ZYG11B: variants seen among roughly 807,000 people sequenced by gnomAD.
ZYG11B encodes zyg-11 family member B, cell cycle regulator.
In ZYG11B, 36 loss-of-function variants were observed where a neutral mutation model predicts 82.4. The observed-to-expected ratio is 0.44, with a 90% CI of 0.33 to 0.58. The LOEUF is 0.58. ZYG11B is among the 20% of genes least tolerant of loss of function. The pLI is 0.02. For missense variants in ZYG11B, 552 were observed against 895.6 expected (o/e 0.62, Z 4.90); for synonymous variants, 303 against 312.8 (o/e 0.97, Z 0.33).
At chr1:52,807,454 A>G (rs1172339583) in intron 10 of ZYG11B, among the ~76,000 whole-genome samples, 1 of 150,692 alleles carries the variant, frequency 6.6e-6, no homozygotes, top group Non-Finnish European at 1.5e-5. Flanking sequence ...TAATCCCTAA[A>G]TTAATAATAA....
intron 4 of ZYG11B, 99 bp from the exon 5 acceptor site, chr1:52,784,778 A>C: frequency 1.5e-6 from 2 of 1,314,388 alleles, no homozygotes; most frequent in Non-Finnish European, 2.1e-6. Flanking sequence ...GAAAATTATG[A>C]CATCTTTGAA....
At chr1:52,794,742 T>A (rs566364563) in intron 6 of ZYG11B, among the ~76,000 whole-genome samples, 2 of 152,364 alleles carry the variant, frequency 1.3e-5, no homozygotes, top group East Asian at 3.9e-4. Context: ...TAATCAGATG[T>A]ATTCCTTGAC....
intron 12 of ZYG11B, among the ~76,000 whole-genome samples, chr1:52,815,754 G>A (rs1257983571): frequency 6.6e-6 from 1 of 152,078 alleles, no homozygotes; most frequent in African/African-American, 2.4e-5. Flanking sequence ...CTAACGTGGT[G>A]AAACCCCGTC....
chr1:52,780,201 T>C (rs904484445), intron 4 of ZYG11B, among the ~76,000 whole-genome samples: 8 of 152,188 alleles, frequency 5.3e-5, no homozygotes, highest in African/African-American at 1.9e-4. Flanking sequence ...CATTAAGCAA[T>C]ATAAATGTCT....
intron 1 of ZYG11B, among the ~76,000 whole-genome samples, chr1:52,755,402 C>CT (rs1232909452): frequency 6.6e-6 from 1 of 152,104 alleles, no homozygotes; most frequent in Non-Finnish European, 1.5e-5. Flanking sequence ...GTTTTGATTA[C>CT]TTTAGTAATC....
At chr1:52,797,439 T>TATATTATATATATTATATATAAC (rs1645033706) in intron 8 of ZYG11B, among the ~76,000 whole-genome samples, 1 of 122,858 alleles carries the variant, frequency 8.1e-6, no homozygotes, top group African/African-American at 3.7e-5. Flanking sequence ...ATATATAACA[T>TATATTATATATATTATATATAAC]ATATATTATA....
At chr1:52,726,704 C>A in intron 1 of ZYG11B, 21 bp downstream of exon 1, 1 of 1,470,106 alleles carries the variant, frequency 6.8e-7, no homozygotes, top group Non-Finnish European at 9.0e-7. Context: ...AAGGCCTGCC[C>A]TAGCCGCAGC....
chr1:52,789,867 G>A (rs1218658286), intron 5 of ZYG11B, 136 bp from the exon 6 acceptor site: 2 of 528,366 alleles, frequency 3.8e-6, no homozygotes, highest in Admixed American at 3.7e-5. Flanking sequence ...AATACTAGGG[G>A]GGCAGATAAA....
At chr1:52,817,777 G>GTGTA (rs1352242565) in intron 13 of ZYG11B, among the ~76,000 whole-genome samples, 885 of 41,372 alleles carry the variant, frequency 0.021, 45 homozygotes, top group Middle Eastern at 0.087. Flanking sequence ...ATATATATGT[G>GTGTA]TATATATATA....
intron 10 of ZYG11B, among the ~76,000 whole-genome samples, chr1:52,802,603 G>A (rs1343532738): frequency 6.6e-5 from 10 of 151,116 alleles, no homozygotes; most frequent in African/African-American, 2.4e-5. Context: ...CTCCTACCTC[G>A]GCCTCCCAAA....
chr1:52,781,332 CTACAAAAAT>C (rs1035362971), intron 4 of ZYG11B, among the ~76,000 whole-genome samples: 5 of 152,086 alleles, frequency 3.3e-5, no homozygotes, highest in African/African-American at 1.2e-4. Context: ...AACCCCATCT[CTACAAAAAT>C]TACAAAAATT....
intron 1 of ZYG11B, among the ~76,000 whole-genome samples, chr1:52,741,588 T>A (rs1222847897): frequency 6.6e-6 from 1 of 152,212 alleles, no homozygotes; most frequent in Non-Finnish European, 1.5e-5. Flanking sequence ...GACTTTTCAT[T>A]TATTCATGCA....
chr1:52,805,453 A>G (rs1234996788), intron 10 of ZYG11B: 1 of 455,810 alleles, frequency 2.2e-6, no homozygotes, highest in Non-Finnish European at 4.4e-6. Flanking sequence ...AAATTACAGC[A>G]TTTGATTGTT....
intron 5 of ZYG11B, among the ~76,000 whole-genome samples, chr1:52,789,279 A>G (rs1644936572): frequency 6.6e-6 from 1 of 152,134 alleles, no homozygotes; most frequent in Non-Finnish European, 1.5e-5. Flanking sequence ...CTATGATTGA[A>G]TTCCCTATAT....
chr1:52,817,956 A>G (rs549100340), intron 13 of ZYG11B, among the ~76,000 whole-genome samples: 19 of 143,816 alleles, frequency 1.3e-4, no homozygotes, highest in Non-Finnish European at 2.1e-4. Flanking sequence ...TCTTGCCTCA[A>G]CCTCCAGAGT....
chr1:52,763,097 T>A (rs924105222), intron 2 of ZYG11B, among the ~76,000 whole-genome samples: 5 of 152,140 alleles, frequency 3.3e-5, no homozygotes, highest in Non-Finnish European at 7.3e-5. Context: ...AAAAATCAGT[T>A]GATCGTAGAT....
At chr1:52,810,743 A>G (rs1645175203) in intron 10 of ZYG11B, among the ~76,000 whole-genome samples, 1 of 152,172 alleles carries the variant, frequency 6.6e-6, no homozygotes, top group Non-Finnish European at 1.5e-5. Context: ...CAATTTAAAA[A>G]CAAGAAATTG....
chr1:52,817,161 A>G (rs1645232245), intron 13 of ZYG11B, among the ~76,000 whole-genome samples: 1 of 152,116 alleles, frequency 6.6e-6, no homozygotes, highest in Admixed American at 6.6e-5. Flanking sequence ...AATAGTGGTG[A>G]ATGAGACACT....
chr1:52,756,606 G>A lies in ZYG11B; in HGVS notation c.179G>A (p.Arg60Gln), dbSNP rs373581677. The A allele has an allele frequency of 2.2e-5, 36 of 1,601,118 alleles. 1 individual carries two copies. The Middle Eastern group carries it at 1.2e-3, about 52-fold the overall frequency. Residue 60 changes from arginine (R) to glutamine (Q), a missense_variant, in exon 2 of 14, where the codon CGG becomes CAG. Physicochemically the swap from Arg to Gln is conservative, Grantham distance 43. Coordinates refer to ENST00000294353, the MANE Select transcript of ZYG11B (RefSeq NM_024646.3). ...CAGGAGGTGGCTGATCGACTGCTTCGGACCATGGCTTTTCATGGTAAAAAA... is the reference window on the plus strand; with the variant it reads ...CAGGAGGTGGCTGATCGACTGCTTCAGACCATGGCTTTTCATGGTAAAAAA... ...FPQEVADRLL[R>Q]TMAFHGLLND... is the part of the protein sequence containing the mutation.
Sources: allele counts gnomAD v4.1 joint callset (sites outside exome capture counted in the v4.1 genomes callset), GRCh38; gene constraint gnomAD v4.1.1; transcripts MANE v1.5; gene names NCBI Gene and HGNC (gene_info 2026-07-23, HGNC 2026-07-21).